The following LGR6 variants were observed in gnomAD, a reference collection of about 807,000 sequenced individuals.
The protein encoded by LGR6 is leucine rich repeat containing G protein-coupled receptor 6, also known as leucine-rich repeat-containing G protein-coupled receptor 6.
In LGR6, 45 loss-of-function variants were observed where a neutral mutation model predicts 69.4. That is an observed-to-expected ratio of 0.65 (90% CI 0.51 to 0.83). The LOEUF (loss-of-function observed/expected upper bound fraction) is 0.83. Among genes scored for constraint, LGR6 ranks in the 40% least tolerant of loss-of-function variants. The pLI, the probability that LGR6 is intolerant of heterozygous loss-of-function variation, is 0.00. For missense variants in LGR6, 1,108 were observed against 1,246.7 expected (o/e 0.89, Z 1.68); for synonymous variants, 538 against 555.0 (o/e 0.97, Z 0.43).
chr1:202,265,768 C>G (rs993964302), intron 4 of LGR6, among the ~76,000 whole-genome samples: 1 of 152,212 alleles, frequency 6.6e-6, no homozygotes, highest in Non-Finnish European at 1.5e-5. Flanking sequence ...AAGCAATCAT[C>G]TGAACAATGC....
rs116640124 is a variant in LGR6, at chr1:202,308,431, G to A, written c.1281-620G>A. Among the ~76,000 whole-genome samples, 470 of 152,282 alleles carry A rather than the reference G, an allele frequency of 3.1e-3. 3 individuals are homozygous for A. Among genetic ancestry groups the A allele is most frequent in the Non-Finnish European group, 4.8e-3 (324 of 68,034 alleles). ...CCTTCCAGTCCAGGGCTGTTTCCAC[G>A]ACGCACAGTCTGTGGTCTTAGCGTT... On this transcript the variant is annotated intron_variant, in intron 14 of 17. Transcript: ENST00000367278.
At chr1:202,198,132 A>G (rs1181316777) in intron 1 of LGR6, among the ~76,000 whole-genome samples, 2 of 152,154 alleles carry the variant, frequency 1.3e-5, no homozygotes, top group African/African-American at 2.4e-5. Context: ...TGGTGTGTGC[A>G]TATGTGTCTG....
Position 202,303,297 on chromosome 1 carries a change from G to C in LGR6, c.948G>C (p.Met316Ile), listed in dbSNP as rs1398233790. 2.5e-6 allele frequency: 4 copies of C among 1,613,916 alleles called. No homozygotes were observed. Among genetic ancestry groups the C allele is most frequent in the Non-Finnish European group, 3.4e-6 (4 of 1,179,810 alleles). ...TTTCCAGATCTCTGAATGGTGCCATGGACATCCAGGAGTTTCCAGATCTCA... is the reference window on the plus strand; with the variant it reads ...TTTCCAGATCTCTGAATGGTGCCATCGACATCCAGGAGTTTCCAGATCTCA... ...KLHTLSLNGA[M>I]DIQEFPDLKG... The change falls in exon 10 of 18, where the codon ATG (methionine) becomes ATC (isoleucine). Residue 316 changes from methionine (M) to isoleucine (I), a missense_variant. Coordinates refer to ENST00000367278, the MANE Select transcript of LGR6 (RefSeq NM_001017403.2).
intron 4 of LGR6, among the ~76,000 whole-genome samples, chr1:202,263,216 G>A (rs973240510): frequency 2.0e-5 from 3 of 151,952 alleles, no homozygotes; most frequent in Non-Finnish European, 2.9e-5. Flanking sequence ...TCCGCCTCCC[G>A]GGTTCAAGCA....
intron 1 of LGR6, among the ~76,000 whole-genome samples, chr1:202,221,245 G>A (rs565353015): frequency 9.9e-5 from 15 of 152,158 alleles, no homozygotes; most frequent in East Asian, 1.9e-4. Context: ...TTGCCTCGGC[G>A]GAGGGTCTTC....
At chr1:202,282,743 C>T (rs889853713) in intron 6 of LGR6, among the ~76,000 whole-genome samples, 12 of 152,224 alleles carry the variant, frequency 7.9e-5, no homozygotes, top group African/African-American at 2.7e-4. Flanking sequence ...TTTTGGGGCA[C>T]ACTGCCTAAT....
In LGR6 at chr1:202,318,337, G is replaced by A. The variant is rs1389327500; in HGVS notation, c.2034G>A (p.Gly678=). ...SVSVSCVRAY[G]KSPSLGSVRA... is the part of the protein sequence containing the mutation. ...CCGTCTCCTGTGTCCGGGCCTATGG[G>A]AAGTCCCCCTCCCTGGGCAGCGTTC... is the stretch of plus-strand genomic sequence containing the variant. Residue 678 remains glycine, a synonymous_variant, in exon 18 of 18, where the codon GGG becomes GGA. Coordinates refer to ENST00000367278, the MANE Select transcript of LGR6 (RefSeq NM_001017403.2). The A allele has an allele frequency of 5.6e-6, 9 of 1,596,622 alleles. No individual in the cohort carries two copies. The highest frequency in any genetic ancestry group is 7.7e-6 in the Non-Finnish European group (9 of 1,171,242).
rs1399896211 is a variant in LGR6, at chr1:202,300,979, A to G, written c.857+59A>G. 2.0e-6 allele frequency: 3 copies of G among 1,488,316 alleles called. No homozygotes were observed. In the African/African-American group the frequency reaches 4.2e-5, roughly 21 times the overall value. The allele number at this position is 1,488,316 out of a possible 1,614,324, so 92.2% of individuals were successfully genotyped here. ...AACAGTGTTTCAGGGAGGAGGACAG[A>G]GGATGGGAAGGCAGGAGGGACTTCC... On this transcript the variant is annotated intron_variant, in intron 8 of 17. Transcript: ENST00000367278.
chr1:202,275,828 C>T (rs1168785602), intron 4 of LGR6, among the ~76,000 whole-genome samples: 3 of 152,086 alleles, frequency 2.0e-5, no homozygotes, highest in Admixed American at 6.5e-5. Context: ...TTAGCAAGGT[C>T]GAGGTCACAC....
At chr1:202,223,988 CT>C (rs1257805323) in intron 1 of LGR6, among the ~76,000 whole-genome samples, 4 of 151,926 alleles carry the variant, frequency 2.6e-5, no homozygotes, top group Non-Finnish European at 5.9e-5. Context: ...CATTAGCTCA[CT>C]TAATCTTTAC....
intron 16 of LGR6, among the ~76,000 whole-genome samples, chr1:202,314,184 C>A (rs909219588): frequency 1.3e-5 from 2 of 152,186 alleles, no homozygotes; most frequent in African/African-American, 4.8e-5. Flanking sequence ...CCCTCTGGGG[C>A]AAAACAGCAT....
chr1:202,211,576 G>A (rs568056098), intron 1 of LGR6, among the ~76,000 whole-genome samples: 8 of 152,196 alleles, frequency 5.3e-5, no homozygotes, highest in Non-Finnish European at 1.2e-4. Context: ...GGCCAGGCTG[G>A]TCTCAAACTC....
chr1:202,225,266 G>A (rs1315448746), intron 1 of LGR6, 157 bp from the exon 2 acceptor site: 10 of 664,668 alleles, frequency 1.5e-5, no homozygotes, highest in African/African-American at 5.3e-5. Flanking sequence ...TAGAGAGAAC[G>A]CAGCTGCTGT....
At chr1:202,215,304 C>A (rs1173102252) in intron 1 of LGR6, among the ~76,000 whole-genome samples, 1 of 152,206 alleles carries the variant, frequency 6.6e-6, no homozygotes, top group Non-Finnish European at 1.5e-5. Context: ...TTCTTCCCAC[C>A]TGCATCAGCT....
chr1:202,208,755 T>A (rs1350320861), intron 1 of LGR6, among the ~76,000 whole-genome samples: 1 of 152,096 alleles, frequency 6.6e-6, no homozygotes, highest in East Asian at 1.9e-4. Flanking sequence ...AAGCATTAGC[T>A]TCACTGTCTA....
intron 6 of LGR6, among the ~76,000 whole-genome samples, chr1:202,286,424 T>C (rs549164041): frequency 2.6e-5 from 4 of 152,212 alleles, no homozygotes; most frequent in Non-Finnish European, 5.9e-5. Context: ...TCTCATATCT[T>C]ATTTATCCCC....
At chr1:202,294,228 A>G (rs997967946) in intron 6 of LGR6, among the ~76,000 whole-genome samples, 19 of 152,266 alleles carry the variant, frequency 1.2e-4, no homozygotes, top group Admixed American at 1.1e-3. Context: ...TGTTTAGAAT[A>G]TGAAACAATG....
In LGR6 at chr1:202,318,369, G is replaced by C. The variant is rs1231098688; in HGVS notation, c.2066G>C (p.Gly689Ala). Residue 689 changes from glycine to alanine, a missense_variant, in exon 18 of 18, where the codon GGG (glycine) becomes GCG (alanine). Transcript: ENST00000367278. ...CCCTCCCTGGGCAGCGTTCGAGCAG[G>C]GGTCCTAGGCTGCCTGGCACTGGCA... ...KSPSLGSVRA[G>A]VLGCLALAGL... is the part of the protein sequence containing the mutation. 2 of 1,602,646 alleles carry C rather than the reference G, an allele frequency of 1.2e-6. No individual in the cohort carries two copies. The highest frequency in any genetic ancestry group is 2.7e-5 in the African/African-American group (2 of 74,808).
chr1:202,193,912 C>T lies in LGR6; in HGVS notation c.-78C>T. The T allele has an allele frequency of 3.1e-6, 3 of 969,458 alleles. No homozygotes were observed. Among genetic ancestry groups the T allele is most frequent in the Non-Finnish European group, 1.3e-6 (1 of 745,324 alleles). The allele number at this position is 969,458 out of a possible 1,614,324, so 60.1% of individuals were successfully genotyped here. A position where few individuals can be genotyped will look rare whatever the true frequency, so the allele number is the denominator to read the frequency against. On this transcript the variant is annotated 5_prime_UTR_variant, in exon 1 of 18. Coordinates refer to ENST00000367278, the MANE Select transcript of LGR6 (RefSeq NM_001017403.2). ...CCACCGACGGTGCAGCCCGCCGGGA[C>T]CGGGAGGAAGCAGCTGCGGCCATCG...
Sources: allele counts gnomAD v4.1 joint callset (sites outside exome capture counted in the v4.1 genomes callset), GRCh38; gene constraint gnomAD v4.1.1; transcripts MANE v1.5; gene names NCBI Gene and HGNC (gene_info 2026-07-23, HGNC 2026-07-21).